The following PTPRD variants were observed in gnomAD, a reference collection of about 807,000 sequenced individuals.
PTPRD encodes protein tyrosine phosphatase receptor type D.
PTPRD carries 34 observed loss-of-function variants against 214.5 expected under a neutral mutation model. That is an observed-to-expected ratio of 0.16 (90% CI 0.12 to 0.21). The LOEUF (loss-of-function observed/expected upper bound fraction) is 0.21. Ranked by LOEUF, PTPRD falls within the 10% of genes least tolerant of loss-of-function variation. PTPRD has a pLI of 1.00. For synonymous variants in PTPRD, 1,128 were observed against 845.7 expected, an observed-to-expected ratio of 1.33 and a Z score of -5.79; for missense variants, 2,545 against 2,398.7, an observed-to-expected ratio of 1.06 and a Z score of -1.27.
chr9:10,324,663 T>C (rs1233393077), intron 3 of PTPRD, among the ~76,000 whole-genome samples: 1 of 152,040 alleles, frequency 6.6e-6, no homozygotes, highest in South Asian at 2.1e-4. Flanking sequence ...CATTTTCTGA[T>C]AGAATCTGCT....
chr9:8,932,353 G>A (rs1056488059), intron 11 of PTPRD, among the ~76,000 whole-genome samples: 3 of 152,148 alleles, frequency 2.0e-5, no homozygotes, highest in Admixed American at 1.3e-4. Flanking sequence ...ATTCTGGTAC[G>A]TTGTGTCTTT....
chr9:8,359,962 C>T (rs1367461537), intron 39 of PTPRD, among the ~76,000 whole-genome samples: 1 of 152,192 alleles, frequency 6.6e-6, no homozygotes, highest in Non-Finnish European at 1.5e-5. Flanking sequence ...CCATTGCTTA[C>T]TGCACTAGGT....
chr9:10,022,481 A>G (rs1428924649), intron 4 of PTPRD, among the ~76,000 whole-genome samples: 3 of 151,936 alleles, frequency 2.0e-5, no homozygotes, highest in Non-Finnish European at 2.9e-5. Context: ...CTACCCCACA[A>G]GATTATTAGT....
intron 4 of PTPRD, among the ~76,000 whole-genome samples, chr9:9,971,719 A>C (rs561279239): frequency 3.2e-4 from 49 of 152,172 alleles, no homozygotes; most frequent in Non-Finnish European, 5.9e-4. Flanking sequence ...AGCTGCTGTC[A>C]TGATTTATTT....
intron 14 of PTPRD, among the ~76,000 whole-genome samples, chr9:8,587,093 T>C (rs1414891677): frequency 6.6e-6 from 1 of 151,508 alleles, no homozygotes; most frequent in Non-Finnish European, 1.5e-5. Context: ...GAGCTTGCAG[T>C]GAGCCGAGAT....
intron 11 of PTPRD, among the ~76,000 whole-genome samples, chr9:8,805,033 T>C (rs1197363789): frequency 1.3e-5 from 2 of 152,202 alleles, no homozygotes; most frequent in African/African-American, 4.8e-5. Flanking sequence ...ATGCTTTTGG[T>C]AGAAATTCCC....
At chr9:10,112,094 A>C (rs2098696163) in intron 3 of PTPRD, among the ~76,000 whole-genome samples, 1 of 152,168 alleles carries the variant, frequency 6.6e-6, no homozygotes, top group African/African-American at 2.4e-5. Flanking sequence ...ACCTGAAGGG[A>C]AGAAGCATGC....
intron 11 of PTPRD, among the ~76,000 whole-genome samples, chr9:8,751,785 T>G (rs908166639): frequency 6.6e-6 from 1 of 152,208 alleles, no homozygotes; most frequent in African/African-American, 2.4e-5. Context: ...CTAAATAGAT[T>G]TGAGACTACC....
intron 7 of PTPRD, among the ~76,000 whole-genome samples, chr9:9,613,135 CATATATATAT>C (rs67735335): frequency 1.7e-4 from 8 of 47,912 alleles, no homozygotes; most frequent in Middle Eastern, 0.038. Flanking sequence ...TACATACATA[CATATATATAT>C]ATATATATAT....
intron 3 of PTPRD, among the ~76,000 whole-genome samples, chr9:10,146,076 C>G (rs906434308): frequency 3.3e-5 from 5 of 151,322 alleles, no homozygotes; most frequent in Non-Finnish European, 7.4e-5. Flanking sequence ...AAAACTGTAT[C>G]ATTTCATTTT....
chr9:9,860,893 T>C (rs547619295), intron 5 of PTPRD, among the ~76,000 whole-genome samples: 1 of 152,326 alleles, frequency 6.6e-6, no homozygotes, highest in South Asian at 2.1e-4. Flanking sequence ...ATTGCTATAC[T>C]CAGCATGTGA....
intron 11 of PTPRD, among the ~76,000 whole-genome samples, chr9:8,863,187 G>C (rs1256965063): frequency 6.6e-6 from 1 of 152,186 alleles, no homozygotes; most frequent in Non-Finnish European, 1.5e-5. Flanking sequence ...TGTAGAGGAC[G>C]TTATGGTACA....
At chr9:9,366,799 A>G (rs1303352838) in intron 9 of PTPRD, among the ~76,000 whole-genome samples, 1 of 151,572 alleles carries the variant, frequency 6.6e-6, no homozygotes, top group Non-Finnish European at 1.5e-5. Context: ...TTATTAGTAA[A>G]CATACATGTA....
intron 4 of PTPRD, among the ~76,000 whole-genome samples, chr9:9,970,958 G>A (rs1233994727): frequency 1.3e-5 from 2 of 152,060 alleles, no homozygotes; most frequent in Non-Finnish European, 2.9e-5. Context: ...CAGCTTTGTT[G>A]CTATTTTTAA....
intron 5 of PTPRD, among the ~76,000 whole-genome samples, chr9:9,774,815 A>G (rs2154484910): frequency 6.6e-6 from 1 of 152,262 alleles, no homozygotes; most frequent in East Asian, 1.9e-4. Context: ...ACATATTGTA[A>G]ACCTGGCAGT....
chr9:9,389,402 C>T (rs1279437159), intron 9 of PTPRD, among the ~76,000 whole-genome samples: 1 of 151,862 alleles, frequency 6.6e-6, no homozygotes, highest in Non-Finnish European at 1.5e-5. Context: ...CCCAGCTACT[C>T]GGGAGGCTGA....
chr9:8,607,945 T>C (rs543834994), intron 14 of PTPRD, among the ~76,000 whole-genome samples: 2 of 152,338 alleles, frequency 1.3e-5, no homozygotes, highest in South Asian at 2.1e-4. Context: ...ACATGTCAAA[T>C]ATAACTCTAT....
intron 11 of PTPRD, among the ~76,000 whole-genome samples, chr9:8,895,849 A>C (rs2098605168): frequency 1.3e-5 from 2 of 152,222 alleles, no homozygotes; most frequent in African/African-American, 4.8e-5. Flanking sequence ...TATACATTTC[A>C]CATTAAAGTT....
At chr9:10,606,123 G>A (rs946190661) in intron 2 of PTPRD, among the ~76,000 whole-genome samples, 2 of 151,694 alleles carry the variant, frequency 1.3e-5, no homozygotes, top group African/African-American at 4.8e-5. Flanking sequence ...CTTCTCAATG[G>A]TTCCAGATGG....
Sources: allele counts gnomAD v4.1 joint callset (sites outside exome capture counted in the v4.1 genomes callset), GRCh38; gene constraint gnomAD v4.1.1; transcripts MANE v1.5; gene names NCBI Gene and HGNC (gene_info 2026-07-23, HGNC 2026-07-21).